ISCA1: variants seen among roughly 807,000 people sequenced by gnomAD.
ISCA1 encodes the protein iron-sulfur cluster assembly 1 homolog, mitochondrial.
Under a neutral mutation model 14.7 loss-of-function variants are expected in ISCA1, and 9 were observed. The ratio of observed to expected loss-of-function variants is 0.61; its 90% CI spans 0.37 to 1.07. The LOEUF (loss-of-function observed/expected upper bound fraction) is 1.07. ISCA1 is among the 50% of genes least tolerant of loss of function. ISCA1 has a pLI of 0.01. For missense variants in ISCA1, 102 were observed against 150.1 expected, an observed-to-expected ratio of 0.68 and a Z score of 1.67; for synonymous variants, 38 against 54.3, an observed-to-expected ratio of 0.70 and a Z score of 1.32.
rs546435153 is a variant in ISCA1, at chr9:86,282,036, C to G, written c.81+342G>C. On this transcript the variant is annotated intron_variant, in intron 1 of 3. Coordinates refer to ENST00000375991, the MANE Select transcript of ISCA1 (RefSeq NM_030940.4). ...CCGGGCACGTTCAGCCTCTGCTTAACCGGAACGGCCGAACAGCGCAGGCCG... is the reference window on the plus strand; with the variant it reads ...CCGGGCACGTTCAGCCTCTGCTTAAGCGGAACGGCCGAACAGCGCAGGCCG... 1.6e-3 allele frequency: 434 copies of G among 278,492 alleles called. 2 individuals carry two copies. Among genetic ancestry groups the G allele is most frequent in the African/African-American group, 9.1e-3 (408 of 45,060 alleles). The allele number at this position is 278,492 out of a possible 1,614,324, so 17.3% of individuals were successfully genotyped here. A position where few individuals can be genotyped will look rare whatever the true frequency, so the allele number is the denominator to read the frequency against.
At position 86,268,557 on chromosome 9, in the gene ISCA1, G is replaced by A. The variant is rs76244565; in HGVS notation, c.242-2366C>T. 3.6e-3 allele frequency among the ~76,000 whole-genome samples: 548 copies of A among 151,992 alleles called. 3 individuals are homozygous for A. Among genetic ancestry groups the A allele is most frequent in the African/African-American group, 0.013 (524 of 41,446 alleles). On this transcript the variant is annotated intron_variant, in intron 3 of 3. Transcript: ENST00000375991. Reference sequence around the variant, plus strand: ...GGTTTATAAGGTCTATAGTACTACGGAGGAACGTCCTAGGCTTTCACATTC... The same window carrying A: ...GGTTTATAAGGTCTATAGTACTACGAAGGAACGTCCTAGGCTTTCACATTC...
At position 86,270,420 on chromosome 9, in the gene ISCA1, A is replaced by G. The variant is rs1477121610; in HGVS notation, c.241+1587T>C. Among the ~76,000 whole-genome samples, 666 of 150,438 alleles carry G rather than the reference A, an allele frequency of 4.4e-3. 3 individuals carry two copies. The highest frequency in any genetic ancestry group is 9.9e-3 in the Admixed American group (149 of 15,124). On this transcript the variant is annotated intron_variant, in intron 3 of 3. Coordinates refer to ENST00000375991, the MANE Select transcript of ISCA1 (RefSeq NM_030940.4). ...ACCATCTCACACCAGTTAGAATGGC[A>G]ATCATTAAAAAGTCAGGAAACAACA... is the stretch of plus-strand genomic sequence containing the variant.
At chr9:86,280,289 A>G (rs1285613243) in intron 1 of ISCA1, among the ~76,000 whole-genome samples, 2 of 152,162 alleles carry the variant, frequency 1.3e-5, no homozygotes, top group Non-Finnish European at 2.9e-5. Flanking sequence ...ACTGACATAG[A>G]AATTCTGAAG....
At chr9:86,282,071 T>C (rs1232132819) in intron 1 of ISCA1, 3 of 421,428 alleles carry the variant, frequency 7.1e-6, no homozygotes, top group Admixed American at 8.5e-5. Flanking sequence ...GGCAGGAGTG[T>C]GGAGGCGATC....
intron 2 of ISCA1, among the ~76,000 whole-genome samples, 183 bp downstream of exon 2, chr9:86,274,006 G>A (rs1051989293): frequency 6.6e-6 from 1 of 152,202 alleles, no homozygotes; most frequent in African/African-American, 2.4e-5. Flanking sequence ...GAGTCAGGTT[G>A]AAAGAATGAC....
At chr9:86,266,669 C>T (rs941075757) in intron 3 of ISCA1, among the ~76,000 whole-genome samples, 9 of 151,932 alleles carry the variant, frequency 5.9e-5, no homozygotes, top group East Asian at 3.9e-4. Flanking sequence ...GGTTACAGGA[C>T]GGAAAACAGG....
At chr9:86,280,139 T>C (rs1166812783) in intron 1 of ISCA1, among the ~76,000 whole-genome samples, 1 of 152,200 alleles carries the variant, frequency 6.6e-6, no homozygotes, top group East Asian at 1.9e-4. Context: ...TGCAGTGCTA[T>C]TACTCCTAGT....
chr9:86,278,449 G>A (rs1213743816), intron 1 of ISCA1, among the ~76,000 whole-genome samples: 6 of 152,102 alleles, frequency 3.9e-5, no homozygotes, highest in Non-Finnish European at 8.8e-5. Context: ...AGGACGGCTT[G>A]AGGCCAGGAG....
intron 3 of ISCA1, among the ~76,000 whole-genome samples, chr9:86,266,595 C>T (rs10780754): frequency 0.45 from 67,654 of 151,836 alleles, 15,249 homozygotes; most frequent in Middle Eastern, 0.59. Context: ...TAAAGATGTA[C>T]AAAGGACTGT....
chr9:86,278,203 A>G (rs1224449486), intron 1 of ISCA1, among the ~76,000 whole-genome samples: 2 of 152,238 alleles, frequency 1.3e-5, no homozygotes, highest in African/African-American at 2.4e-5. Flanking sequence ...AAGATGGTAA[A>G]TAAATAGAGC....
chr9:86,269,747 T>C lies in ISCA1; in HGVS notation c.241+2260A>G, dbSNP rs778757313. ...TGGTACTGGTACCAAAACAGAGATATAGATCAATGGAACAGAACAGAGCCC... is the reference window on the plus strand; with the variant it reads ...TGGTACTGGTACCAAAACAGAGATACAGATCAATGGAACAGAACAGAGCCC... On this transcript the variant is annotated intron_variant, in intron 3 of 3. Transcript: ENST00000375991. Among the ~76,000 whole-genome samples the C allele has an allele frequency of 6.7e-4, 102 of 151,406 alleles. 1 individual carries two copies. In the Middle Eastern group the frequency reaches 0.014, roughly 20 times the overall value.
At position 86,271,992 on chromosome 9, in the gene ISCA1, T is replaced by C. The variant is rs950291227; in HGVS notation, c.241+15A>G. 1.4e-6 allele frequency: 2 copies of C among 1,469,628 alleles called. No individual in the cohort carries two copies. Among genetic ancestry groups the C allele is most frequent in the African/African-American group, 1.4e-5 (1 of 71,578 alleles). 91.0% of individuals were successfully genotyped at this position (1,469,628 alleles called of 1,614,324 possible). A position where few individuals can be genotyped will look rare whatever the true frequency, so the allele number is the denominator to read the frequency against. On this transcript the variant is annotated intron_variant, in intron 3 of 3. Transcript: ENST00000375991. ...GCAAAACAATGTGCCCAAAAAATGT[T>C]TGTTAAAAACTCACCATCTTGAATA...
rs1469613721 is a variant in ISCA1 at position 86,266,023 on chromosome 9, G to T, written c.*20C>A. ...TCCACGAGCTTTCCTGGAACCTACG[G>T]CCAGAAGAGTCCTGAGATTTCAAAT... is the stretch of plus-strand genomic sequence containing the variant. On this transcript the variant is annotated 3_prime_UTR_variant, in exon 4 of 4. Transcript: ENST00000375991. The T allele has an allele frequency of 5.0e-6, 8 of 1,611,822 alleles. No individual in the cohort carries two copies. Among genetic ancestry groups the T allele is most frequent in the Non-Finnish European group, 6.8e-6 (8 of 1,179,806 alleles).
In ISCA1 at chr9:86,273,163, C is replaced by T. The variant is rs78748879; in HGVS notation, c.135+1026G>A. Reference sequence around the variant, plus strand: ...TAATTTTAAAAGGTAGGTTTGAGAACTTCCATTACATTGTAATGTAGTAGG... The same window carrying T: ...TAATTTTAAAAGGTAGGTTTGAGAATTTCCATTACATTGTAATGTAGTAGG... On this transcript the variant is annotated intron_variant, in intron 2 of 3. Coordinates refer to ENST00000375991, the MANE Select transcript of ISCA1 (RefSeq NM_030940.4). 2.7e-3 allele frequency among the ~76,000 whole-genome samples: 418 copies of T among 152,344 alleles called. 2 individuals are homozygous for T. Among genetic ancestry groups the T allele is most frequent in the African/African-American group, 9.4e-3 (392 of 41,576 alleles).
intron 3 of ISCA1, among the ~76,000 whole-genome samples, chr9:86,271,526 A>G (rs1244515051): frequency 6.6e-6 from 1 of 152,156 alleles, no homozygotes; most frequent in African/African-American, 2.4e-5. Flanking sequence ...TGAATTTGGG[A>G]GCATTTCAGA....
At chr9:86,268,582 C>A (rs753405488) in intron 3 of ISCA1, among the ~76,000 whole-genome samples, 6 of 152,108 alleles carry the variant, frequency 3.9e-5, no homozygotes, top group Non-Finnish European at 8.8e-5. Flanking sequence ...CTTTCACATT[C>A]ACTTATCACT....
At position 86,266,651 on chromosome 9, in the gene ISCA1, T is replaced by A. The variant is rs187827457; in HGVS notation, c.242-460A>T. 2.0e-5 allele frequency among the ~76,000 whole-genome samples: 3 copies of A among 152,252 alleles called. No individual in the cohort carries two copies. In the East Asian group the frequency reaches 5.8e-4, roughly 29 times the overall value. On this transcript the variant is annotated intron_variant, in intron 3 of 3. Coordinates refer to ENST00000375991, the MANE Select transcript of ISCA1 (RefSeq NM_030940.4). ...ATAACATCAATCAGTACAACAATAG[T>A]CTTTTCTGGTTACAGGACGGAAAAC...
At chr9:86,279,533 T>C (rs1188482224) in intron 1 of ISCA1, among the ~76,000 whole-genome samples, 1 of 152,224 alleles carries the variant, frequency 6.6e-6, no homozygotes, top group African/African-American at 2.4e-5. Flanking sequence ...TGACATCTGG[T>C]AGACTCCACA....
At chr9:86,268,073 T>C (rs1305452294) in intron 3 of ISCA1, among the ~76,000 whole-genome samples, 1 of 152,164 alleles carries the variant, frequency 6.6e-6, no homozygotes, top group Non-Finnish European at 1.5e-5. Context: ...TTTACTATAC[T>C]TTTTATTGTT....
Sources: allele counts gnomAD v4.1 joint callset (sites outside exome capture counted in the v4.1 genomes callset), GRCh38; gene constraint gnomAD v4.1.1; transcripts MANE v1.5; gene names NCBI Gene and HGNC (gene_info 2026-07-23, HGNC 2026-07-21).